KCNMB3: variants seen among roughly 807,000 people sequenced by gnomAD.
The protein encoded by KCNMB3 is potassium calcium-activated channel subfamily M regulatory beta subunit 3, also known as calcium-activated potassium channel subunit beta-3.
Under a neutral mutation model 11.9 loss-of-function variants are expected in KCNMB3, and 18 were observed. The observed-to-expected ratio is 1.51, with a 90% CI of 1.04 to 2.23. The LOEUF (loss-of-function observed/expected upper bound fraction) is 2.23. Among genes scored for constraint, KCNMB3 ranks in the 30% most tolerant of loss-of-function variants. KCNMB3 has a pLI of 0.00. For synonymous variants in KCNMB3, 78 were observed against 119.2 expected (o/e 0.65, Z 2.25); for missense variants, 247 against 329.4 (o/e 0.75, Z 1.94).
intron 1 of KCNMB3, among the ~76,000 whole-genome samples, chr3:179,256,929 A>G (rs1726029186): frequency 6.6e-6 from 1 of 152,132 alleles, no homozygotes; most frequent in Non-Finnish European, 1.5e-5. Context: ...TGGGAAACCA[A>G]CGTGGGAGAA....
At chr3:179,249,716 T>C (rs911765970) in intron 1 of KCNMB3, among the ~76,000 whole-genome samples, 3 of 152,144 alleles carry the variant, frequency 2.0e-5, no homozygotes, top group Non-Finnish European at 1.5e-5. Flanking sequence ...AACAAGATCA[T>C]GTCATTTGCG....
chr3:179,239,769 T>G (rs1725403297), downstream of KCNMB3: 1 of 410,462 alleles, frequency 2.4e-6, no homozygotes. Flanking sequence ...GTAGCAAGTT[T>G]ATTTCTCTAT....
chr3:179,246,062 A>G (rs1012530242), intron 1 of KCNMB3, among the ~76,000 whole-genome samples: 1 of 152,214 alleles, frequency 6.6e-6, no homozygotes, highest in African/African-American at 2.4e-5. Context: ...TCCTGTGTTT[A>G]CTTACCGGTT....
chr3:179,260,526 T>C (rs908527483), intron 1 of KCNMB3: 17 of 1,602,926 alleles, frequency 1.1e-5, no homozygotes, highest in Non-Finnish European at 1.4e-5. Context: ...CACGATTTCA[T>C]TCTTCACCTC....
At chr3:179,240,143 G>T, downstream of KCNMB3, 1 of 902,352 alleles carries the variant, frequency 1.1e-6, no homozygotes, top group East Asian at 2.9e-5. Flanking sequence ...AAAAAACTGT[G>T]ATAATTCTCT....
In KCNMB3 at chr3:179,251,076, C is replaced by G; in HGVS notation, c.-86G>C. ...AGGATGAATGCAACAAAATGAAATCCCAGTTCAGAGCTTGGTGAAAAGTCC... is the reference window on the plus strand; with the variant it reads ...AGGATGAATGCAACAAAATGAAATCGCAGTTCAGAGCTTGGTGAAAAGTCC... On this transcript the variant is annotated 5_prime_UTR_variant, in exon 1 of 3. Transcript: ENST00000392685. 2 of 1,614,104 alleles carry G rather than the reference C, an allele frequency of 1.2e-6. No homozygotes were observed. Among genetic ancestry groups the G allele is most frequent in the Non-Finnish European group, 1.7e-6 (2 of 1,180,008 alleles).
intron 1 of KCNMB3, chr3:179,260,302 G>A (rs779209152): frequency 1.3e-5 from 21 of 1,613,942 alleles, no homozygotes; most frequent in African/African-American, 1.2e-4. Context: ...TTTTCAGGGA[G>A]AGAAGCGCTC....
chr3:179,266,811 C>T, exon 1 of KCNMB3: 3 of 1,504,624 alleles, frequency 2.0e-6, no homozygotes, highest in Non-Finnish European at 1.8e-6. Flanking sequence ...GGAGTCCCAG[C>T]GGGAGCCCCC....
chr3:179,240,516 A>T (rs1008210485), downstream of KCNMB3: 5 of 152,902 alleles, frequency 3.3e-5, no homozygotes, highest in Admixed American at 3.3e-4. Flanking sequence ...TTCAGTTCTC[A>T]TAAACATTGC....
At chr3:179,261,183 G>T in intron 1 of KCNMB3, 1 of 1,343,974 alleles carries the variant, frequency 7.4e-7, no homozygotes, top group South Asian at 1.4e-5. Context: ...CGGGCCTCCC[G>T]TTTTGCGGCG....
chr3:179,250,983 G>A lies in KCNMB3; in HGVS notation c.8C>T (p.Pro3Leu). The part of the protein sequence containing the change: MF[P>L]LLYELTAVSP... Reference sequence around the variant, plus strand: ...TACTGCAGTGAGCTCATAAAGAAGGGGGAACATTTCCAATCCATGGGGACT... The same window carrying A: ...TACTGCAGTGAGCTCATAAAGAAGGAGGAACATTTCCAATCCATGGGGACT... Residue 3 changes from proline to leucine, a missense_variant, in exon 1 of 3, where the codon CCC becomes CTC. Coordinates refer to ENST00000392685, the MANE Select transcript of KCNMB3 (RefSeq NM_171830.2). The A allele has an allele frequency of 6.2e-7, 1 of 1,614,126 alleles. No homozygotes were observed. The highest frequency in any genetic ancestry group is 1.1e-5 in the South Asian group (1 of 91,074).
chr3:179,262,290 G>C (rs542383013), intron 1 of KCNMB3, among the ~76,000 whole-genome samples: 8 of 152,294 alleles, frequency 5.3e-5, no homozygotes, highest in African/African-American at 1.9e-4. Context: ...ATGAAACTGT[G>C]TCCGGAATTG....
At chr3:179,250,599 C>T (rs1042241244) in intron 1 of KCNMB3, 144 bp downstream of exon 1, 6 of 845,760 alleles carry the variant, frequency 7.1e-6, no homozygotes, top group South Asian at 3.4e-5. Flanking sequence ...GCACTGACAG[C>T]GGAAGAGGAA....
chr3:179,250,319 T>C (rs1021234733), intron 1 of KCNMB3, among the ~76,000 whole-genome samples: 2 of 152,210 alleles, frequency 1.3e-5, no homozygotes, highest in African/African-American at 4.8e-5. Flanking sequence ...AGGAAACTAA[T>C]ATGTATTGAG....
chr3:179,243,220 T>C lies in KCNMB3; in HGVS notation c.512A>G (p.Lys171Arg). The change falls in exon 3 of 3, where the codon AAA becomes AGA. Residue 171 changes from lysine to arginine, a missense_variant. Coordinates refer to ENST00000392685, the MANE Select transcript of KCNMB3 (RefSeq NM_171830.2). ...NDLLNSALDI[K>R]EFFDHKNGTP... ...TCCATTTTTGTGATCGAAGAATTCTTTTATGTCCAGAGCACTGTTGAGCAA... is the reference window on the plus strand; with the variant it reads ...TCCATTTTTGTGATCGAAGAATTCTCTTATGTCCAGAGCACTGTTGAGCAA... 1 of 1,362,046 alleles carries C rather than the reference T, an allele frequency of 7.3e-7. No individual in the cohort carries two copies. The highest frequency in any genetic ancestry group is 1.0e-6 in the Non-Finnish European group (1 of 968,920). 84.4% of individuals were successfully genotyped at this position (1,362,046 alleles called of 1,614,324 possible). A position where few individuals can be genotyped will look rare whatever the true frequency, so the allele number is the denominator to read the frequency against.
chr3:179,249,615 G>C (rs1014373379), intron 1 of KCNMB3, among the ~76,000 whole-genome samples: 1 of 152,210 alleles, frequency 6.6e-6, no homozygotes, highest in African/African-American at 2.4e-5. Flanking sequence ...AGAGGTTGCA[G>C]TGAGCCAAGA....
chr3:179,244,444 G>C (rs1311810353), intron 2 of KCNMB3, 51 bp downstream of exon 2: 3 of 1,468,006 alleles, frequency 2.0e-6, no homozygotes, highest in Non-Finnish European at 2.9e-6. Context: ...GCTAGGGACA[G>C]TCTGGCAGGG....
At chr3:179,242,724 T>G, downstream of KCNMB3, 1 of 1,027,484 alleles carries the variant, frequency 9.7e-7, no homozygotes, top group Non-Finnish European at 1.3e-6. Flanking sequence ...ATGGTGAATT[T>G]GTATGTATTT....
intron 1 of KCNMB3, 23 bp from the exon 2 acceptor site, chr3:179,244,716 T>A: frequency 1.3e-6 from 2 of 1,523,196 alleles, no homozygotes; most frequent in Middle Eastern, 1.9e-4. Flanking sequence ...AAAAAAAAAA[T>A]GTTCTTCACT....
Sources: allele counts gnomAD v4.1 joint callset (sites outside exome capture counted in the v4.1 genomes callset), GRCh38; gene constraint gnomAD v4.1.1; transcripts MANE v1.5; gene names NCBI Gene and HGNC (gene_info 2026-07-23, HGNC 2026-07-21).